MED24: variants seen among roughly 807,000 people sequenced by gnomAD.
The protein encoded by MED24 is mediator of RNA polymerase II transcription subunit 24.
Under a neutral mutation model 118.8 loss-of-function variants are expected in MED24, and 74 were observed. The observed-to-expected ratio is 0.62, with a 90% CI of 0.52 to 0.76. The LOEUF is 0.76. Ranked by LOEUF, MED24 falls within the 30% of genes least tolerant of loss-of-function variation. The pLI is 0.00. For synonymous variants in MED24, 521 were observed against 523.9 expected, an observed-to-expected ratio of 0.99 and a Z score of 0.08; for missense variants, 1,041 against 1,278.9, an observed-to-expected ratio of 0.81 and a Z score of 2.84.
At chr17:40,038,316 TAA>T (rs781485035) in intron 3 of MED24, among the ~76,000 whole-genome samples, 4 of 152,176 alleles carry the variant, frequency 2.6e-5, no homozygotes, top group Non-Finnish European at 5.9e-5. Flanking sequence ...AATCTTACCT[TAA>T]AATAAATTTC....
chr17:40,037,649 C>T (rs571943903), intron 3 of MED24, among the ~76,000 whole-genome samples: 1 of 152,240 alleles, frequency 6.6e-6, no homozygotes, highest in East Asian at 1.9e-4. Context: ...TGGTGGCTCA[C>T]GCCTGTAATC....
At chr17:40,034,159 T>C (rs1397682972) in intron 6 of MED24, among the ~76,000 whole-genome samples, 1 of 152,138 alleles carries the variant, frequency 6.6e-6, no homozygotes, top group Non-Finnish European at 1.5e-5. Context: ...AACTAGCCCA[T>C]TAACCTCCAT....
At chr17:40,026,481 C>T (rs2144879923) in intron 18 of MED24, 150 bp from the exon 19 acceptor site, 1 of 1,172,706 alleles carries the variant, frequency 8.5e-7, no homozygotes, top group South Asian at 1.4e-5. Flanking sequence ...CTTCCCAGAG[C>T]TACCTGGGCC....
At chr17:40,027,862 C>T (rs754768659) in intron 15 of MED24, 47 bp downstream of exon 15, 1 of 1,597,340 alleles carries the variant, frequency 6.3e-7, no homozygotes, top group Non-Finnish European at 8.6e-7. Flanking sequence ...CCCGCCACAC[C>T]CCTCCTCAGG....
intron 3 of MED24, among the ~76,000 whole-genome samples, chr17:40,038,268 G>C (rs1318595995): frequency 4.6e-5 from 7 of 152,234 alleles, no homozygotes; most frequent in Admixed American, 3.9e-4. Context: ...TTATTGCTTT[G>C]AACAGATGAA....
At chr17:40,026,771 A>G (rs1598339128) in intron 17 of MED24, 25 bp from the exon 18 acceptor site, 2 of 1,611,304 alleles carry the variant, frequency 1.2e-6, no homozygotes, top group East Asian at 4.5e-5. Context: ...AGAAGTCAGC[A>G]CAGGGGAGCA....
At chr17:40,031,980 T>C (rs1983441300) in intron 10 of MED24, 63 bp downstream of exon 10, 2 of 1,555,920 alleles carry the variant, frequency 1.3e-6, no homozygotes, top group Non-Finnish European at 1.8e-6. Flanking sequence ...AGCTGGGGCC[T>C]GAAGGACCCT....
intron 3 of MED24, among the ~76,000 whole-genome samples, chr17:40,045,655 C>T (rs1395286985): frequency 6.6e-6 from 1 of 151,760 alleles, no homozygotes; most frequent in African/African-American, 2.4e-5. Flanking sequence ...TGTTTTGGTG[C>T]GCACCTGTAG....
intron 18 of MED24, 59 bp downstream of exon 18, chr17:40,026,588 T>G: frequency 6.8e-7 from 1 of 1,466,562 alleles, no homozygotes; most frequent in Non-Finnish European, 9.4e-7. Context: ...ATATAACAAG[T>G]CATCACTGGC....
chr17:40,035,541 G>C (rs79670991), intron 5 of MED24, among the ~76,000 whole-genome samples, 181 bp downstream of exon 5: 1 of 152,288 alleles, frequency 6.6e-6, no homozygotes, highest in East Asian at 1.9e-4. Context: ...TCCAGACAGA[G>C]AGGAGGCACT....
chr17:40,043,826 G>C (rs1984816873), intron 3 of MED24, among the ~76,000 whole-genome samples: 1 of 147,396 alleles, frequency 6.8e-6, no homozygotes, highest in Non-Finnish European at 1.5e-5. Flanking sequence ...GGGAGGTGGA[G>C]CTTGCAGTGA....
At chr17:40,031,861 C>T (rs972749828) in intron 10 of MED24, among the ~76,000 whole-genome samples, 182 bp downstream of exon 10, 12 of 146,256 alleles carry the variant, frequency 8.2e-5, no homozygotes, top group East Asian at 1.9e-4. Context: ...CTGAAGCACA[C>T]GCACATGCTG....
In MED24 at chr17:40,026,990, G is replaced by C; in HGVS notation, c.1575C>G (p.Phe525Leu). The C allele has an allele frequency of 2.5e-6, 4 of 1,614,144 alleles. No homozygotes were observed. Among genetic ancestry groups the C allele is most frequent in the Non-Finnish European group, 3.4e-6 (4 of 1,180,032 alleles). The stretch of plus-strand genomic sequence containing the variant: ...GCATGCAGGTCTGCATCCAGGTCTC[G>C]AAGAAGGGCACCTCAGCTCCTGTGC... ...ESRTGAEVPFFETWMQTCMPE... is the reference protein window; with the variant it reads ...ESRTGAEVPFLETWMQTCMPE... Residue 525 changes from phenylalanine (F) to leucine (L), a missense_variant, in exon 17 of 26, where the codon TTC (phenylalanine) becomes TTG (leucine). By Grantham distance (22) the Phe-to-Leu change is conservative. Transcript: ENST00000394128.
chr17:40,027,963 C>CA lies in MED24; in HGVS notation c.1410-18dup. ...TCATTCAAACTGAAAGGAATGGAGA[C>CA]AGGCTGCATTGACCAGGGCATGAGC... On this transcript the variant is annotated splice_polypyrimidine_tract_variant and intron_variant, in intron 14 of 25. Coordinates refer to ENST00000394128, the MANE Select transcript of MED24 (RefSeq NM_014815.4). The CA allele has an allele frequency of 6.2e-7, 1 of 1,613,674 alleles. No individual in the cohort carries two copies. The highest frequency in any genetic ancestry group is 8.5e-7 in the Non-Finnish European group (1 of 1,179,892).
Position 40,019,767 on chromosome 17 carries a change from C to T in MED24, c.2853+18G>A, listed in dbSNP as rs80129035. On this transcript the variant is annotated intron_variant, in intron 25 of 25. Coordinates refer to ENST00000394128, the MANE Select transcript of MED24 (RefSeq NM_014815.4). ...GAGGCCCCAGCACCAGCAGGAGAGCCGGGAAGGTGGTACTCACGGTGGTGA... is the reference window on the plus strand; with the variant it reads ...GAGGCCCCAGCACCAGCAGGAGAGCTGGGAAGGTGGTACTCACGGTGGTGA... 19 of 1,610,268 alleles carry T rather than the reference C, an allele frequency of 1.2e-5. No homozygotes were observed. Among genetic ancestry groups the T allele is most frequent in the East Asian group, 8.9e-5 (4 of 44,784 alleles).
At chr17:40,031,480 C>G (rs1348277336) in intron 11 of MED24, 58 bp downstream of exon 11, 57 of 1,512,188 alleles carry the variant, frequency 3.8e-5, no homozygotes, top group Non-Finnish European at 5.0e-5. Context: ...GCACAGAGAT[C>G]AGGGGAAGAG....
At chr17:40,043,931 C>A (rs1327864559) in intron 3 of MED24, among the ~76,000 whole-genome samples, 2 of 142,098 alleles carry the variant, frequency 1.4e-5, no homozygotes, top group African/African-American at 5.2e-5. Flanking sequence ...AGGTTCGAGA[C>A]CCGCCTGGCC....
chr17:40,053,694 G>A (rs764033400), intron 1 of MED24, 59 bp from the exon 2 acceptor site: 526 of 1,594,020 alleles, frequency 3.3e-4, no homozygotes, highest in Non-Finnish European at 4.2e-4. Context: ...GGAGAACCGG[G>A]GAAGGCAGAA....
In MED24 at chr17:40,032,751, G is replaced by A. The variant is rs1404682404; in HGVS notation, c.834C>T (p.Thr278=). 1 of 1,613,704 alleles carries A rather than the reference G, an allele frequency of 6.2e-7. No individual in the cohort carries two copies. The highest frequency in any genetic ancestry group is 1.1e-5 in the South Asian group (1 of 91,066). ...TCCAGATCTCCAGGACAAAAAGTGGGGTGGGGATATGCTGTGGGAAGAGCC... is the reference window on the plus strand; with the variant it reads ...TCCAGATCTCCAGGACAAAAAGTGGAGTGGGGATATGCTGTGGGAAGAGCC... ...TMVKRMQHIP[T]PLFVLEIWKA... is the part of the protein sequence containing the mutation. Residue 278 remains threonine (T), a synonymous_variant, in exon 9 of 26, where the codon ACC becomes ACT. Coordinates refer to ENST00000394128, the MANE Select transcript of MED24 (RefSeq NM_014815.4).
Sources: allele counts gnomAD v4.1 joint callset (sites outside exome capture counted in the v4.1 genomes callset), GRCh38; gene constraint gnomAD v4.1.1; transcripts MANE v1.5; gene names NCBI Gene and HGNC (gene_info 2026-07-23, HGNC 2026-07-21).